Variants in EPHA5 observed in about 807,000 individuals in gnomAD.
EPHA5 encodes the protein ephrin type-A receptor 5.
In EPHA5, 60 loss-of-function variants were observed where a neutral mutation model predicts 105.0. That is an observed-to-expected ratio of 0.57 (90% CI 0.46 to 0.71). The LOEUF is 0.71. Among genes scored for constraint, EPHA5 ranks in the 30% least tolerant of loss-of-function variants. EPHA5 has a pLI of 0.00. For missense variants in EPHA5, 1,218 were observed against 1,274.7 expected, an observed-to-expected ratio of 0.96 and a Z score of 0.68; for synonymous variants, 513 against 449.1, an observed-to-expected ratio of 1.14 and a Z score of -1.80.
intron 1 of EPHA5, among the ~76,000 whole-genome samples, chr4:65,655,351 C>T (rs1480742095): frequency 6.6e-6 from 1 of 151,862 alleles, no homozygotes; most frequent in Non-Finnish European, 1.5e-5. Flanking sequence ...AAAATCAGGA[C>T]ATTAGGTAGA....
chr4:65,576,832 G>C (rs1221766513), intron 3 of EPHA5, among the ~76,000 whole-genome samples: 1 of 152,132 alleles, frequency 6.6e-6, no homozygotes, highest in Non-Finnish European at 1.5e-5. Context: ...AACAAGTTAG[G>C]ACAGGTGGTC....
At position 65,433,968 on chromosome 4, in the gene EPHA5, T is replaced by C. The variant is rs1015771477; in HGVS notation, c.1403-13403A>G. ...TACTCGGGAGGCTGATGCAAGAGAA[T>C]CGCTTGAACCCGGGAGGCGGAAGTT... is the stretch of plus-strand genomic sequence containing the variant. On this transcript the variant is annotated intron_variant, in intron 5 of 16. Coordinates refer to ENST00000613740, the MANE Select transcript of EPHA5 (RefSeq NM_001281766.3). Among the ~76,000 whole-genome samples, 3 of 152,100 alleles carry C rather than the reference T, an allele frequency of 2.0e-5. No homozygotes were observed. The East Asian group carries it at 5.8e-4, about 29-fold the overall frequency.
At chr4:65,368,306 T>C (rs985796431) in intron 8 of EPHA5, among the ~76,000 whole-genome samples, 1 of 152,146 alleles carries the variant, frequency 6.6e-6, no homozygotes, top group Non-Finnish European at 1.5e-5. Flanking sequence ...GTTATGTTCT[T>C]ATTCCTGGTA....
At chr4:65,625,574 C>A (rs1454408507) in intron 2 of EPHA5, among the ~76,000 whole-genome samples, 3 of 152,012 alleles carry the variant, frequency 2.0e-5, no homozygotes, top group Non-Finnish European at 2.9e-5. Context: ...ATATTATAAT[C>A]TTTAGTAAGT....
chr4:65,565,132 T>C (rs1019086534), intron 3 of EPHA5, among the ~76,000 whole-genome samples: 2 of 151,704 alleles, frequency 1.3e-5, no homozygotes, highest in African/African-American at 4.8e-5. Context: ...GAGGGTTCCT[T>C]AAAAATTCAC....
intron 3 of EPHA5, among the ~76,000 whole-genome samples, chr4:65,516,414 A>C (rs1734107711): frequency 7.0e-6 from 1 of 143,164 alleles, no homozygotes; most frequent in Non-Finnish European, 1.5e-5. Context: ...TAGGCTGAGA[A>C]GGATGAAGAG....
chr4:65,596,481 C>CA (rs1199547083), intron 3 of EPHA5, among the ~76,000 whole-genome samples: 2 of 151,166 alleles, frequency 1.3e-5, no homozygotes. Flanking sequence ...ACAAACAAAC[C>CA]AAAAAAACAA....
intron 5 of EPHA5, among the ~76,000 whole-genome samples, chr4:65,468,089 C>T (rs539050503): frequency 6.6e-6 from 1 of 152,072 alleles, no homozygotes; most frequent in Admixed American, 6.6e-5. Flanking sequence ...GATAATAAAT[C>T]CATGTTGTTT....
chr4:65,370,887 A>G (rs2148904227), intron 8 of EPHA5, among the ~76,000 whole-genome samples: 1 of 152,196 alleles, frequency 6.6e-6, no homozygotes, highest in East Asian at 1.9e-4. Context: ...TCAACAAGAA[A>G]CAGCAAGTAA....
intron 2 of EPHA5, among the ~76,000 whole-genome samples, chr4:65,608,135 C>A (rs186969019): frequency 1.4e-4 from 22 of 152,266 alleles, no homozygotes; most frequent in African/African-American, 5.1e-4. Context: ...ATCACCATGG[C>A]ACGTGTATTA....
intron 8 of EPHA5, among the ~76,000 whole-genome samples, chr4:65,373,771 A>G (rs1718718700): frequency 6.6e-6 from 1 of 151,932 alleles, no homozygotes; most frequent in Non-Finnish European, 1.5e-5. Flanking sequence ...AGAATTTAAC[A>G]TCTCTATTTT....
intron 4 of EPHA5, among the ~76,000 whole-genome samples, chr4:65,491,263 A>T (rs565234329): frequency 1.3e-5 from 2 of 151,876 alleles, no homozygotes; most frequent in Non-Finnish European, 2.9e-5. Context: ...GAAACCCCCT[A>T]CTGTATATCA....
At chr4:65,562,309 T>C (rs1353879756) in intron 3 of EPHA5, among the ~76,000 whole-genome samples, 1 of 152,076 alleles carries the variant, frequency 6.6e-6, no homozygotes, top group African/African-American at 2.4e-5. Context: ...AACCAAAGTT[T>C]AGATTTTTAA....
chr4:65,493,571 G>T (rs74610599), intron 4 of EPHA5, among the ~76,000 whole-genome samples: 4,860 of 152,156 alleles, frequency 0.032, 151 homozygotes, highest in Non-Finnish European at 0.043. Flanking sequence ...GTATTAGAAA[G>T]ATCTTATACA....
At chr4:65,416,950 C>T (rs1047442191) in intron 6 of EPHA5, among the ~76,000 whole-genome samples, 4 of 152,206 alleles carry the variant, frequency 2.6e-5, no homozygotes, top group African/African-American at 4.8e-5. Context: ...CCCACAATTG[C>T]CCTGCTGCCA....
intron 1 of EPHA5, among the ~76,000 whole-genome samples, chr4:65,646,588 T>G (rs1748130898): frequency 6.6e-6 from 1 of 152,160 alleles, no homozygotes; most frequent in African/African-American, 2.4e-5. Context: ...AAAATTTCAC[T>G]GGTACCAAAG....
chr4:65,508,720 T>G (rs996113093), intron 3 of EPHA5, among the ~76,000 whole-genome samples: 5 of 152,190 alleles, frequency 3.3e-5, no homozygotes, highest in African/African-American at 9.6e-5. Flanking sequence ...TGTGTATAAT[T>G]TAATCAAAAC....
chr4:65,447,848 C>G (rs1386484219), intron 5 of EPHA5, among the ~76,000 whole-genome samples: 1 of 150,768 alleles, frequency 6.6e-6, no homozygotes, highest in Non-Finnish European at 1.5e-5. Flanking sequence ...TTTAAGATAA[C>G]CTAATAAGAG....
chr4:65,563,745 T>C (rs570842649), intron 3 of EPHA5, among the ~76,000 whole-genome samples: 168 of 152,136 alleles, frequency 1.1e-3, no homozygotes, highest in African/African-American at 4.0e-3. Flanking sequence ...AAAACATTGT[T>C]AATTTCTAAC....
Sources: allele counts gnomAD v4.1 joint callset (sites outside exome capture counted in the v4.1 genomes callset), GRCh38; gene constraint gnomAD v4.1.1; transcripts MANE v1.5; gene names NCBI Gene and HGNC (gene_info 2026-07-23, HGNC 2026-07-21).